Variants in NECAB1 observed in about 807,000 individuals in gnomAD.
NECAB1 encodes the protein N-terminal EF-hand calcium-binding protein 1.
NECAB1 carries 29 observed loss-of-function variants against 57.5 expected under a neutral mutation model. The ratio of observed to expected loss-of-function variants is 0.50; its 90% CI spans 0.38 to 0.69. The LOEUF (loss-of-function observed/expected upper bound fraction) is 0.69, where lower values mean the gene tolerates loss of function less well. Ranked by LOEUF, NECAB1 falls within the 30% of genes least tolerant of loss-of-function variation. The pLI, the probability that NECAB1 is intolerant of heterozygous loss-of-function variation, is 0.00. For synonymous variants in NECAB1, 142 were observed against 147.7 expected (o/e 0.96, Z 0.28); for missense variants, 372 against 413.8 (o/e 0.90, Z 0.88).
At chr8:90,944,525 C>T (rs1810752652) in intron 10 of NECAB1, among the ~76,000 whole-genome samples, 1 of 152,122 alleles carries the variant, frequency 6.6e-6, no homozygotes, top group Non-Finnish European at 1.5e-5. Context: ...TCATTAATCC[C>T]CGTTTTTGTC....
chr8:90,946,329 A>C (rs1405082492), intron 10 of NECAB1, among the ~76,000 whole-genome samples: 2 of 152,176 alleles, frequency 1.3e-5, no homozygotes, highest in African/African-American at 4.8e-5. Flanking sequence ...CAGCTTTTGG[A>C]GGCAAAGATG....
chr8:90,841,783 A>G (rs762130318), intron 3 of NECAB1, among the ~76,000 whole-genome samples: 8 of 152,222 alleles, frequency 5.3e-5, no homozygotes, highest in Non-Finnish European at 8.8e-5. Flanking sequence ...AGCTCTGAGA[A>G]TTACAGAAAA....
intron 1 of NECAB1, among the ~76,000 whole-genome samples, chr8:90,800,526 C>T (rs1297855987): frequency 6.6e-6 from 1 of 152,132 alleles, no homozygotes; most frequent in Non-Finnish European, 1.5e-5. Context: ...GAGTTTTTAT[C>T]ATGAAGGAAG....
chr8:90,951,274 G>A (rs1034704245), intron 12 of NECAB1, 70 bp downstream of exon 12: 14 of 845,456 alleles, frequency 1.7e-5, no homozygotes, highest in Non-Finnish European at 9.5e-6. Flanking sequence ...GTAAAAGATA[G>A]TATGCTCTTT....
At chr8:90,886,491 T>C (rs1196511529) in intron 5 of NECAB1, among the ~76,000 whole-genome samples, 2 of 152,154 alleles carry the variant, frequency 1.3e-5, no homozygotes, top group Non-Finnish European at 2.9e-5. Flanking sequence ...TATTTGAAAA[T>C]GTAAAAGTGC....
intron 6 of NECAB1, among the ~76,000 whole-genome samples, chr8:90,919,295 T>G (rs900910702): frequency 6.6e-6 from 1 of 152,222 alleles, no homozygotes; most frequent in African/African-American, 2.4e-5. Flanking sequence ...ATGTGCTTTA[T>G]CTAACTTTTA....
intron 5 of NECAB1, among the ~76,000 whole-genome samples, chr8:90,902,429 G>A (rs745794249): frequency 1.6e-4 from 25 of 151,902 alleles, no homozygotes; most frequent in Admixed American, 3.3e-4. Flanking sequence ...AAAAACAAAC[G>A]AACAAACAAT....
intron 3 of NECAB1, among the ~76,000 whole-genome samples, chr8:90,860,155 A>T (rs1812870264): frequency 6.6e-6 from 1 of 152,142 alleles, no homozygotes; most frequent in African/African-American, 2.4e-5. Context: ...TCACTAGGCC[A>T]AGGCTGTACC....
intron 5 of NECAB1, among the ~76,000 whole-genome samples, chr8:90,885,268 T>C (rs979765236): frequency 6.6e-6 from 1 of 152,096 alleles, no homozygotes; most frequent in Non-Finnish European, 1.5e-5. Context: ...GAGGACAGAG[T>C]ACATAGTAAT....
At chr8:90,937,750 A>G (rs1810571069) in intron 9 of NECAB1, among the ~76,000 whole-genome samples, 1 of 152,244 alleles carries the variant, frequency 6.6e-6, no homozygotes, top group East Asian at 1.9e-4. Context: ...ACTTTTCTTC[A>G]GCACATTGTT....
intron 5 of NECAB1, among the ~76,000 whole-genome samples, chr8:90,909,718 C>T (rs1484683227): frequency 6.6e-6 from 1 of 151,930 alleles, no homozygotes; most frequent in African/African-American, 2.4e-5. Flanking sequence ...CTCTATATGT[C>T]TCCATGCATG....
chr8:90,950,947 G>A (rs952940640), intron 11 of NECAB1, among the ~76,000 whole-genome samples, 166 bp from the exon 12 acceptor site: 2 of 152,084 alleles, frequency 1.3e-5, no homozygotes, highest in Non-Finnish European at 2.9e-5. Flanking sequence ...AATTACTCCT[G>A]AGTCATTTTT....
At chr8:90,910,030 C>A (rs557206675) in intron 5 of NECAB1, among the ~76,000 whole-genome samples, 7 of 151,344 alleles carry the variant, frequency 4.6e-5, no homozygotes, top group Admixed American at 1.3e-4. Context: ...GCTTTCTTTC[C>A]TTTCATTTTC....
chr8:90,893,451 C>G (rs1337105702), intron 5 of NECAB1, among the ~76,000 whole-genome samples: 1 of 152,140 alleles, frequency 6.6e-6, no homozygotes, highest in East Asian at 1.9e-4. Context: ...ATGAAGATCA[C>G]TGATGATCAT....
intron 2 of NECAB1, 148 bp downstream of exon 2, chr8:90,801,863 T>C: frequency 1.8e-6 from 1 of 547,786 alleles, no homozygotes; most frequent in Non-Finnish European, 3.1e-6. Context: ...AGATAAGTTT[T>C]AGGCCCTAAA....
chr8:90,801,240 C>T (rs1349472668), intron 1 of NECAB1, among the ~76,000 whole-genome samples: 1 of 152,148 alleles, frequency 6.6e-6, no homozygotes, highest in Non-Finnish European at 1.5e-5. Context: ...TTTCTTACAT[C>T]CTCTTGTAAT....
At chr8:90,878,282 A>G (rs901532705) in intron 4 of NECAB1, among the ~76,000 whole-genome samples, 1 of 152,030 alleles carries the variant, frequency 6.6e-6, no homozygotes, top group Non-Finnish European at 1.5e-5. Flanking sequence ...CTGTCTTTTC[A>G]CCTTTGTATT....
intron 10 of NECAB1, 119 bp downstream of exon 10, chr8:90,941,017 A>G (rs2677578): frequency 1.4e-6 from 1 of 738,128 alleles, no homozygotes; most frequent in South Asian, 1.7e-5. Context: ...TCCTCACATT[A>G]AATTATACAG....
intron 7 of NECAB1, among the ~76,000 whole-genome samples, chr8:90,926,412 T>G (rs1423981777): frequency 6.6e-6 from 1 of 152,194 alleles, no homozygotes; most frequent in Non-Finnish European, 1.5e-5. Context: ...CCTGATAAAA[T>G]AGATGTTAAT....
Sources: gnomAD v4.1 joint callset for allele counts (sites outside exome capture counted in the v4.1 genomes callset) on GRCh38, gnomAD v4.1.1 for gene constraint, MANE v1.5 for transcripts, NCBI Gene and HGNC (gene_info 2026-07-23, HGNC 2026-07-21) for gene names.